The following ZFYVE1 variants were observed in gnomAD, a reference collection of about 807,000 sequenced individuals.
The protein encoded by ZFYVE1 is zinc finger FYVE-type containing 1, also known as zinc finger FYVE domain-containing protein 1.
A neutral mutation model predicts 74.4 loss-of-function variants in ZFYVE1; 30 were observed. The observed-to-expected ratio is 0.40, with a 90% CI of 0.30 to 0.55. The LOEUF is 0.55. Ranked by LOEUF, ZFYVE1 falls within the 20% of genes least tolerant of loss-of-function variation. The probability of loss-of-function intolerance (pLI) is 0.42; values close to 1 mark genes in which losing one functional copy is unlikely to be tolerated. For missense variants in ZFYVE1, 703 were observed against 1,011.6 expected (o/e 0.69, Z 4.14); for synonymous variants, 335 against 385.1 (o/e 0.87, Z 1.52).
At chr14:73,012,320 G>A (rs1201031721) in intron 2 of ZFYVE1, among the ~76,000 whole-genome samples, 1 of 151,948 alleles carries the variant, frequency 6.6e-6, no homozygotes, top group East Asian at 1.9e-4. Flanking sequence ...GCCAGAATGG[G>A]GATGCAAAAA....
At chr14:72,999,418 A>T (rs1893822565) in intron 2 of ZFYVE1, among the ~76,000 whole-genome samples, 1 of 151,852 alleles carries the variant, frequency 6.6e-6, no homozygotes, top group African/African-American at 2.4e-5. Context: ...CAAGAACGAA[A>T]CTCCATTTCA....
chr14:72,978,349 C>G lies in ZFYVE1; in HGVS notation c.1420-115G>C, dbSNP rs562270744. The G allele has an allele frequency of 2.1e-6, 2 of 937,524 alleles. 1 individual carries two copies. Among genetic ancestry groups the G allele is most frequent in the South Asian group, 3.1e-5 (2 of 64,840 alleles). 58.1% of individuals were successfully genotyped at this position (937,524 alleles called of 1,614,324 possible). A position where few individuals can be genotyped will look rare whatever the true frequency, so the allele number is the denominator to read the frequency against. On this transcript the variant is annotated intron_variant, in intron 6 of 11. Transcript: ENST00000556143. ...GAACTCCTGGGCTCAAGCAATCTGC[C>G]CGATCTCAGGAGTTCGAGATCAGCC... is the stretch of plus-strand genomic sequence containing the variant.
chr14:73,003,648 T>C (rs1396080601), intron 2 of ZFYVE1, among the ~76,000 whole-genome samples: 1 of 151,982 alleles, frequency 6.6e-6, no homozygotes, highest in South Asian at 2.1e-4. Flanking sequence ...AGGTGGAGGT[T>C]GCAGTGGGCC....
chr14:73,025,809 A>C (rs1017412517), intron 1 of ZFYVE1, among the ~76,000 whole-genome samples: 1 of 151,986 alleles, frequency 6.6e-6, no homozygotes, highest in African/African-American at 2.4e-5. Context: ...TATTTCCCAG[A>C]CTGGAATTTT....
intron 5 of ZFYVE1, among the ~76,000 whole-genome samples, chr14:72,979,618 T>C (rs1248224740): frequency 1.3e-5 from 2 of 149,836 alleles, no homozygotes; most frequent in African/African-American, 5.0e-5. Flanking sequence ...CACACCGCTA[T>C]ACTCCAGCCT....
intron 2 of ZFYVE1, among the ~76,000 whole-genome samples, chr14:73,002,605 G>C (rs1893895637): frequency 6.6e-6 from 1 of 151,996 alleles, no homozygotes; most frequent in Admixed American, 6.6e-5. Flanking sequence ...GTCATGCCCA[G>C]CTAATTTTTG....
At chr14:72,984,925 G>C (rs1893437113) in intron 4 of ZFYVE1, among the ~76,000 whole-genome samples, 1 of 152,214 alleles carries the variant, frequency 6.6e-6, no homozygotes, top group Non-Finnish European at 1.5e-5. Context: ...GGACCTAACA[G>C]GTACTCAGCT....
At chr14:72,989,314 G>T (rs1018463658) in intron 4 of ZFYVE1, among the ~76,000 whole-genome samples, 1 of 152,118 alleles carries the variant, frequency 6.6e-6, no homozygotes, top group Admixed American at 6.6e-5. Context: ...AGGGGAAAAG[G>T]ATTTAACTTT....
At chr14:72,984,990 C>A (rs997233853) in intron 4 of ZFYVE1, among the ~76,000 whole-genome samples, 1 of 152,170 alleles carries the variant, frequency 6.6e-6, no homozygotes, top group Non-Finnish European at 1.5e-5. Context: ...CCAACCTTGC[C>A]CTCCTCCTCT....
At position 72,969,595 on chromosome 14, in the gene ZFYVE1, A is replaced by G. The variant is rs1353313769; in HGVS notation, c.*1287T>C. 4.1e-5 allele frequency: 27 copies of G among 657,904 alleles called. No individual in the cohort carries two copies. Among genetic ancestry groups the G allele is most frequent in the Non-Finnish European group, 6.6e-5 (24 of 364,488 alleles). 40.8% of individuals were successfully genotyped at this position (657,904 alleles called of 1,614,324 possible). Reference sequence around the variant, plus strand: ...CTCATGTCACACCGATAGGCGCACCAGGAATGACCGCCATATACTTCCCTA... The same window carrying G: ...CTCATGTCACACCGATAGGCGCACCGGGAATGACCGCCATATACTTCCCTA... On this transcript the variant is annotated 3_prime_UTR_variant, in exon 12 of 12. Coordinates refer to ENST00000556143, the MANE Select transcript of ZFYVE1 (RefSeq NM_021260.4).
At chr14:72,989,066 T>G (rs1007946121) in intron 4 of ZFYVE1, among the ~76,000 whole-genome samples, 11 of 151,342 alleles carry the variant, frequency 7.3e-5, no homozygotes, top group Admixed American at 1.3e-4. Flanking sequence ...TAGCTGGGAC[T>G]ACAGGCACCC....
chr14:72,974,705 T>A (rs1567343831), intron 10 of ZFYVE1, 74 bp downstream of exon 10: 1 of 1,517,106 alleles, frequency 6.6e-7, no homozygotes, highest in East Asian at 2.3e-5. Context: ...CATCTGGATA[T>A]CCAGTTCTTA....
rs569498754 is a variant in ZFYVE1 at position 72,975,438 on chromosome 14, C to T, written c.1806+113G>A. ...TTGCCGGTACTCACAGAGCTCACTG[C>T]ACTGGCAGAAAATGTTTGCGTCTCC... On this transcript the variant is annotated intron_variant, in intron 9 of 11. Transcript: ENST00000556143. This position sits in a 1 kb window ranked among gnomAD's most constrained non-coding sequence, Gnocchi z 4.1. 1 of 1,371,878 alleles carries T rather than the reference C, an allele frequency of 7.3e-7. No homozygotes were observed. The highest frequency in any genetic ancestry group is 2.4e-5 in the East Asian group (1 of 42,508). 85.0% of individuals were successfully genotyped at this position (1,371,878 alleles called of 1,614,324 possible).
intron 2 of ZFYVE1, among the ~76,000 whole-genome samples, chr14:73,017,143 GAA>G (rs2140386823): frequency 6.6e-6 from 1 of 152,152 alleles, no homozygotes; most frequent in Admixed American, 6.6e-5. Flanking sequence ...AAAGATGAAG[GAA>G]AAACTGATGT....
In ZFYVE1 at chr14:73,024,040, T is replaced by G; in HGVS notation, c.469A>C (p.Asn157His). 6.2e-7 allele frequency: 1 copy of G among 1,613,830 alleles called. No homozygotes were observed. The highest frequency in any genetic ancestry group is 8.5e-7 in the Non-Finnish European group (1 of 1,179,890). ...KVVSFLLVDE[N>H]EEIQVTNEED... Reference sequence around the variant, plus strand: ...CGTGTGCTTACCTGAATTTCTTCATTTTCGTCTACTAGGAGGAAACTCACA... The same window carrying G: ...CGTGTGCTTACCTGAATTTCTTCATGTTCGTCTACTAGGAGGAAACTCACA... Residue 157 changes from asparagine (N) to histidine (H), a missense_variant, in exon 2 of 12, where the codon AAT becomes CAT. Coordinates refer to ENST00000556143, the MANE Select transcript of ZFYVE1 (RefSeq NM_021260.4).
chr14:72,972,864 C>T (rs1196173741), intron 11 of ZFYVE1, among the ~76,000 whole-genome samples: 6 of 152,046 alleles, frequency 3.9e-5, no homozygotes, highest in Non-Finnish European at 7.4e-5. Flanking sequence ...CCCGCCACCA[C>T]GCCTGGCTAA....
chr14:72,998,195 A>G lies in ZFYVE1; in HGVS notation c.604T>C (p.Phe202Leu), dbSNP rs1226148408. Residue 202 changes from phenylalanine (F) to leucine (L), a missense_variant, in exon 3 of 12, where the codon TTT (phenylalanine) becomes CTT (leucine). Phe to Leu is a conservative substitution (Grantham distance 22). This residue lies in a region of ZFYVE1 where 492 missense variants were observed against 790.0 expected (regional missense o/e 0.62). Transcript: ENST00000556143. ...GKSHTLNHTFFYGREVFKTSP... is the reference protein window; with the variant it reads ...GKSHTLNHTFLYGREVFKTSP... ...GTTTTAAAGACTTCACGACCATAAAAGAAAGTGTGGTTGAGAGTATGAGAC... is the reference window on the plus strand; with the variant it reads ...GTTTTAAAGACTTCACGACCATAAAGGAAAGTGTGGTTGAGAGTATGAGAC... 1 of 1,613,982 alleles carries G rather than the reference A, an allele frequency of 6.2e-7. No individual in the cohort carries two copies.
At chr14:73,002,829 C>A (rs916738541) in intron 2 of ZFYVE1, among the ~76,000 whole-genome samples, 1 of 151,128 alleles carries the variant, frequency 6.6e-6, no homozygotes, top group Non-Finnish European at 1.5e-5. Context: ...GCAAGCTCCA[C>A]CTCCCAGGTT....
Position 72,969,548 on chromosome 14 carries a change from A to C in ZFYVE1, c.*1334T>G. 1.6e-6 allele frequency: 1 copy of C among 610,922 alleles called. No homozygotes were observed. Among genetic ancestry groups the C allele is most frequent in the Non-Finnish European group, 2.9e-6 (1 of 343,256 alleles). 37.8% of individuals were successfully genotyped at this position (610,922 alleles called of 1,614,324 possible). A position where few individuals can be genotyped will look rare whatever the true frequency, so the allele number is the denominator to read the frequency against. ...CCAGGAGGCAGGAGGAGCAGGGCTG[A>C]GAGGGACGACACACTCCAGGGCTCA... is the stretch of plus-strand genomic sequence containing the variant. On this transcript the variant is annotated 3_prime_UTR_variant, in exon 12 of 12. Coordinates refer to ENST00000556143, the MANE Select transcript of ZFYVE1 (RefSeq NM_021260.4).
Sources: allele counts gnomAD v4.1 joint callset (sites outside exome capture counted in the v4.1 genomes callset), GRCh38; gene constraint gnomAD v4.1.1; regional missense constraint gnomAD v4.1.1; non-coding constraint Gnocchi (gnomAD v3.1); transcripts MANE v1.5; gene names NCBI Gene and HGNC (gene_info 2026-07-23, HGNC 2026-07-21).